Variants in CEP72 observed in about 807,000 individuals in gnomAD.
CEP72 encodes centrosomal protein 72, also known as centrosomal protein of 72 kDa.
A neutral mutation model predicts 65.7 loss-of-function variants in CEP72; 78 were observed. The ratio of observed to expected loss-of-function variants is 1.19; its 90% CI spans 0.99 to 1.43. The LOEUF (loss-of-function observed/expected upper bound fraction) is 1.43, where lower values mean the gene tolerates loss of function less well. Among genes scored for constraint, CEP72 ranks in the 40% most tolerant of loss-of-function variants. The pLI is 0.00. For synonymous variants in CEP72, 358 were observed against 351.7 expected (o/e 1.02, Z -0.20); for missense variants, 914 against 832.9 (o/e 1.10, Z -1.20).
At chr5:671,098 G>C (rs891205410), downstream of CEP72, among the ~76,000 whole-genome samples, 1 of 152,218 alleles carries the variant, frequency 6.6e-6, no homozygotes, top group Non-Finnish European at 1.5e-5. Context: ...CGGTCGGGGG[G>C]CTGCCTGAGC....
At chr5:619,233 C>G in intron 2 of CEP72, 116 bp downstream of exon 2, 1 of 881,142 alleles carries the variant, frequency 1.1e-6, no homozygotes. Flanking sequence ...ATACGGTACA[C>G]TTTGTGTTGC....
intron 4 of CEP72, among the ~76,000 whole-genome samples, chr5:632,976 C>T (rs1737303056): frequency 2.3e-5 from 2 of 87,750 alleles, no homozygotes; most frequent in South Asian, 4.7e-4. Context: ...TTAGACCAGT[C>T]CTGGTGGGGT....
intron 1 of CEP72, 164 bp downstream of exon 1, chr5:612,607 C>A (rs1002301551): frequency 2.4e-5 from 24 of 985,210 alleles, no homozygotes; most frequent in Admixed American, 6.1e-5. Flanking sequence ...TCCAGGTGAG[C>A]GACCCACCCC....
Position 612,601 on chromosome 5 carries a change from G to C in CEP72, c.82+158G>C, listed in dbSNP as rs1482788806. The C allele has an allele frequency of 3.0e-6, 3 of 985,240 alleles. No homozygotes were observed. In the African/African-American group the frequency reaches 5.2e-5, roughly 17 times the overall value. The allele number at this position is 985,240 out of a possible 1,614,324, so 61.0% of individuals were successfully genotyped here. A position where few individuals can be genotyped will look rare whatever the true frequency, so the allele number is the denominator to read the frequency against. On this transcript the variant is annotated intron_variant, in intron 1 of 11. Transcript: ENST00000264935. ...CGGGCGAGCGGGGCGCGCGTGTCCA[G>C]GTGAGCGACCCACCCCCCGTGCCCA...
intron 4 of CEP72, 38 bp from the exon 5 acceptor site, chr5:633,731 G>T (rs923337319): frequency 1.2e-6 from 2 of 1,602,306 alleles, no homozygotes; most frequent in Non-Finnish European, 1.7e-6. Flanking sequence ...GCATATGGCT[G>T]GCTTGAGTGA....
the CEP72 span, among the ~76,000 whole-genome samples, chr5:674,497 G>A: frequency 6.6e-6 from 1 of 152,112 alleles, no homozygotes; most frequent in Non-Finnish European, 1.5e-5. Flanking sequence ...CGGTCCGAGT[G>A]CCCGGGACAC....
At chr5:647,539 C>T (rs1738503459) in intron 10 of CEP72, among the ~76,000 whole-genome samples, 1 of 152,226 alleles carries the variant, frequency 6.6e-6, no homozygotes, top group Admixed American at 6.5e-5. Flanking sequence ...TCCCTGCCCT[C>T]ACACAGGGAT....
chr5:625,151 A>G (rs969094521), intron 4 of CEP72, among the ~76,000 whole-genome samples: 3 of 152,196 alleles, frequency 2.0e-5, no homozygotes, highest in African/African-American at 4.8e-5. Flanking sequence ...TGCTGCCTGC[A>G]TGTCTATGTT....
chr5:624,525 C>T lies in CEP72; in HGVS notation c.458C>T (p.Ser153Leu). The change falls in exon 4 of 12, where the codon TCA becomes TTA. Residue 153 changes from serine to leucine, a missense_variant. Ser to Leu is a moderately radical substitution (Grantham distance 145, BLOSUM62 -2). Transcript: ENST00000264935. This position sits in a 1 kb window ranked among gnomAD's most constrained non-coding sequence, Gnocchi z 4.7. The part of the protein sequence containing the change: ...ERKASRLHFA[S>L]EDSLDSKESV... ...AAGGCTTCCCGACTGCATTTTGCAT[C>T]AGAGGACTCACTCGACTCCAAAGAG... 1 of 1,614,182 alleles carries T rather than the reference C, an allele frequency of 6.2e-7. No homozygotes were observed. Among genetic ancestry groups the T allele is most frequent in the South Asian group, 1.1e-5 (1 of 91,086 alleles).
the CEP72 span, among the ~76,000 whole-genome samples, chr5:672,741 C>T: frequency 4.6e-5 from 7 of 152,224 alleles, no homozygotes; most frequent in Non-Finnish European, 1.0e-4. Flanking sequence ...GCCCGTGGTC[C>T]GGTCCCGCCT....
chr5:649,720 CCG>C (rs146807009), intron 11 of CEP72, among the ~76,000 whole-genome samples: 854 of 51,248 alleles, frequency 0.017, 47 homozygotes, highest in East Asian at 0.041. Context: ...TGAGGGGTGA[CCG>C]TGAGGCGTGG....
At chr5:625,925 G>C (rs1736727138) in intron 4 of CEP72, among the ~76,000 whole-genome samples, 1 of 152,130 alleles carries the variant, frequency 6.6e-6, no homozygotes, top group Admixed American at 6.5e-5. Flanking sequence ...CAGTGATCGT[G>C]GATCAGGGCC....
rs1472810573 is a variant in CEP72 at position 623,737 on chromosome 5, A to G, written c.404-734A>G. Among the ~76,000 whole-genome samples the G allele has an allele frequency of 2.0e-5, 3 of 152,004 alleles. No individual in the cohort carries two copies. Among genetic ancestry groups the G allele is most frequent in the Admixed American group, 6.6e-5 (1 of 15,254 alleles). On this transcript the variant is annotated intron_variant, in intron 3 of 11. Coordinates refer to ENST00000264935, the MANE Select transcript of CEP72 (RefSeq NM_018140.4). The surrounding 1 kb of genome is among the most constrained non-coding windows in gnomAD (Gnocchi z 5.3). ...CTGTGTGCTGGGTGGAGAGTGCCCCAGGTTGCAGAGGCCTCTGACTCGGCA... is the reference window on the plus strand; with the variant it reads ...CTGTGTGCTGGGTGGAGAGTGCCCCGGGTTGCAGAGGCCTCTGACTCGGCA...
the CEP72 span, among the ~76,000 whole-genome samples, chr5:672,440 G>A: frequency 1.3e-5 from 2 of 152,280 alleles, no homozygotes; most frequent in Non-Finnish European, 2.9e-5. Context: ...ACACAAGCGT[G>A]GGTCCTGGGG....
intron 8 of CEP72, 78 bp downstream of exon 8, chr5:639,302 T>C: frequency 6.8e-7 from 1 of 1,464,844 alleles, no homozygotes. Flanking sequence ...TGTGGTGACC[T>C]AGGAGTCATC....
At chr5:636,937 G>A (rs559675631) in intron 6 of CEP72, among the ~76,000 whole-genome samples, 1 of 152,314 alleles carries the variant, frequency 6.6e-6, no homozygotes, top group Admixed American at 6.5e-5. Context: ...GCCGCTGCAG[G>A]ATGTGATGGG....
intron 4 of CEP72, among the ~76,000 whole-genome samples, chr5:631,647 C>T (rs571946448): frequency 2.0e-5 from 1 of 49,922 alleles, no homozygotes; most frequent in Non-Finnish European, 3.8e-5. Context: ...GGGATTTGGC[C>T]CAGTCCTGGT....
chr5:641,161 G>T, intron 9 of CEP72: 1 of 984,722 alleles, frequency 1.0e-6, no homozygotes, highest in East Asian at 1.1e-4. Context: ...CCTCATGGGG[G>T]CTCTGTCTCA....
At chr5:663,814 G>A (rs907996780) in intron 2 of CEP72, 1 of 152,340 alleles carries the variant, frequency 6.6e-6, no homozygotes, top group Non-Finnish European at 1.5e-5. Flanking sequence ...CCAGAACCAC[G>A]GCCCAGCAGG....
Sources: allele counts gnomAD v4.1 joint callset (sites outside exome capture counted in the v4.1 genomes callset), GRCh38; gene constraint gnomAD v4.1.1; non-coding constraint Gnocchi (gnomAD v3.1); transcripts MANE v1.5; gene names NCBI Gene and HGNC (gene_info 2026-07-23, HGNC 2026-07-21).